The following WNK3 variants were observed in gnomAD, a reference collection of about 807,000 sequenced individuals.
WNK3 encodes the protein WNK lysine deficient protein kinase 3.
In WNK3, 18 loss-of-function variants were observed where a neutral mutation model predicts 116.7. The ratio of observed to expected loss-of-function variants is 0.15; its 90% CI spans 0.11 to 0.23. The LOEUF is 0.23. Ranked by LOEUF, WNK3 falls within the 10% of genes least tolerant of loss-of-function variation. The pLI is 1.00. For synonymous variants in WNK3, 404 were observed against 469.4 expected (o/e 0.86, Z 1.80); for missense variants, 993 against 1,323.8 (o/e 0.75, Z 3.88).
At chrX:54,332,979 T>G (rs2069190339) in intron 2 of WNK3, among the ~76,000 whole-genome samples, 158 bp downstream of exon 2, 1 of 110,146 alleles carries the variant, frequency 9.1e-6, no homozygotes, top group African/African-American at 3.3e-5. Flanking sequence ...TGGAGTGAGC[T>G]CCTAAGAGGA....
intron 3 of WNK3, among the ~76,000 whole-genome samples, chrX:54,310,358 C>T (rs1428440409): frequency 9.2e-6 from 1 of 108,553 alleles, no homozygotes; most frequent in Non-Finnish European, 1.9e-5. Flanking sequence ...CTGGGCAACA[C>T]GGCGAAACCC....
intron 2 of WNK3, among the ~76,000 whole-genome samples, chrX:54,330,276 G>A (rs2069153037): frequency 9.0e-6 from 1 of 111,191 alleles, no homozygotes; most frequent in African/African-American, 3.3e-5. Flanking sequence ...GGGAGGCTGA[G>A]GCAGAATAAT....
chrX:54,298,477 A>G, intron 6 of WNK3, 83 bp from the exon 7 acceptor site: 1 of 708,725 alleles, frequency 1.4e-6, no homozygotes, highest in East Asian at 3.5e-5. Context: ...ATTGTATAAA[A>G]GCAAAAAACT....
chrX:54,325,378 T>C (rs1603398656), intron 2 of WNK3, among the ~76,000 whole-genome samples: 1 of 111,016 alleles, frequency 9.0e-6, no homozygotes, highest in East Asian at 2.8e-4. Flanking sequence ...TGTTTCTATA[T>C]TTAGAAAAAA....
intron 1 of WNK3, among the ~76,000 whole-genome samples, chrX:54,340,640 G>C (rs1251794640): frequency 9.1e-6 from 1 of 109,687 alleles, no homozygotes; most frequent in Non-Finnish European, 1.9e-5. Flanking sequence ...ACCCAATAAT[G>C]ACAAGACAAA....
chrX:54,280,123 CCT>C (rs1305872405), intron 10 of WNK3, among the ~76,000 whole-genome samples: 1 of 111,330 alleles, frequency 9.0e-6, no homozygotes, highest in East Asian at 2.8e-4. Flanking sequence ...ATGGTGAAAC[CCT>C]GTCTCTCCTA....
intron 1 of WNK3, among the ~76,000 whole-genome samples, chrX:54,338,337 G>A (rs1215590587): frequency 3.6e-5 from 4 of 109,875 alleles, no homozygotes; most frequent in Admixed American, 2.0e-4. Context: ...CTCAAGAATC[G>A]CTTGAACCCA....
chrX:54,239,208 A>AG, intron 17 of WNK3, 109 bp from the exon 18 acceptor site: 1 of 553,441 alleles, frequency 1.8e-6, no homozygotes, highest in Non-Finnish European at 2.6e-6. Context: ...GCTTTTAAAA[A>AG]AAAAAAAAAA....
intron 20 of WNK3, among the ~76,000 whole-genome samples, chrX:54,234,593 A>C (rs894020273): frequency 2.7e-5 from 3 of 111,736 alleles, no homozygotes; most frequent in Non-Finnish European, 3.8e-5. Flanking sequence ...TTGGGAGGCT[A>C]AGGCAGGCGG....
intron 10 of WNK3, among the ~76,000 whole-genome samples, chrX:54,288,713 C>T (rs1346875879): frequency 3.6e-5 from 4 of 111,048 alleles, no homozygotes; most frequent in African/African-American, 6.5e-5. Context: ...GGGATGGAGT[C>T]GCTGAAAGCT....
chrX:54,208,677 C>T (rs2146723965), intron 22 of WNK3, among the ~76,000 whole-genome samples: 1 of 112,301 alleles, frequency 8.9e-6, no homozygotes, highest in African/African-American at 3.2e-5. Flanking sequence ...CCCAGCCTAA[C>T]ACATGCAATA....
At chrX:54,258,724 T>C (rs782066424) in intron 11 of WNK3, among the ~76,000 whole-genome samples, 14 of 107,806 alleles carry the variant, frequency 1.3e-4, no homozygotes, top group African/African-American at 4.7e-4. Context: ...ACCAAAATCT[T>C]ATAAAAGAAA....
At chrX:54,305,020 G>A (rs376467519) in intron 5 of WNK3, among the ~76,000 whole-genome samples, 11 of 109,115 alleles carry the variant, frequency 1.0e-4, no homozygotes, top group African/African-American at 2.7e-4. Context: ...GTGTGGAGGC[G>A]CATGCCCGTA....
At chrX:54,275,212 A>G (rs1169726310) in intron 10 of WNK3, among the ~76,000 whole-genome samples, 1 of 109,152 alleles carries the variant, frequency 9.2e-6, no homozygotes, top group Non-Finnish European at 1.9e-5. Flanking sequence ...GCTACTTGGG[A>G]GGCTGAGGCA....
intron 6 of WNK3, among the ~76,000 whole-genome samples, chrX:54,300,277 C>G (rs2068744254): frequency 9.0e-6 from 1 of 111,109 alleles, no homozygotes; most frequent in Non-Finnish European, 1.9e-5. Context: ...TTCAGCCTCC[C>G]CAGGGGCTGG....
intron 10 of WNK3, among the ~76,000 whole-genome samples, chrX:54,280,565 G>T (rs1251592823): frequency 1.8e-5 from 2 of 111,752 alleles, no homozygotes; most frequent in African/African-American, 6.5e-5. Flanking sequence ...AACTTTACAA[G>T]GAATTGTAAG....
chrX:54,231,907 C>T (rs1029170177), intron 21 of WNK3, among the ~76,000 whole-genome samples: 10 of 110,742 alleles, frequency 9.0e-5, no homozygotes, highest in Non-Finnish European at 1.7e-4. Flanking sequence ...ACCTGATTAA[C>T]AACTTCTATA....
intron 4 of WNK3, 134 bp downstream of exon 4, chrX:54,308,961 T>C: frequency 2.0e-6 from 1 of 501,562 alleles, no homozygotes; most frequent in South Asian, 3.1e-5. Flanking sequence ...TGTGTTCTAA[T>C]AAAATTCGAT....
intron 10 of WNK3, among the ~76,000 whole-genome samples, chrX:54,280,507 G>C (rs782433700): frequency 2.7e-4 from 30 of 111,199 alleles, no homozygotes; most frequent in Non-Finnish European, 5.5e-4. Flanking sequence ...TGGAAATTAA[G>C]AAAACAATTC....
Sources: gnomAD v4.1 joint callset for allele counts (sites outside exome capture counted in the v4.1 genomes callset) on GRCh38, gnomAD v4.1.1 for gene constraint, MANE v1.5 for transcripts, NCBI Gene and HGNC (gene_info 2026-07-23, HGNC 2026-07-21) for gene names.